Variants in ARHGAP10 observed in about 807,000 individuals in gnomAD.
The protein encoded by ARHGAP10 is Rho GTPase activating protein 10.
ARHGAP10 carries 87 observed loss-of-function variants against 108.6 expected under a neutral mutation model. That is an observed-to-expected ratio of 0.80 (90% CI 0.67 to 0.96). The LOEUF (loss-of-function observed/expected upper bound fraction) is 0.96. Ranked by LOEUF, ARHGAP10 falls within the 40% of genes least tolerant of loss-of-function variation. ARHGAP10 has a pLI of 0.00. For synonymous variants in ARHGAP10, 347 were observed against 341.1 expected (o/e 1.02, Z -0.19); for missense variants, 939 against 954.5 (o/e 0.98, Z 0.21).
intron 10 of ARHGAP10, among the ~76,000 whole-genome samples, chr4:147,892,829 TTTAAC>T (rs901926952): frequency 6.6e-6 from 1 of 152,110 alleles, no homozygotes; most frequent in Non-Finnish European, 1.5e-5. Flanking sequence ...TATAATGTAT[TTTAAC>T]TGTGTGTTTG....
chr4:147,737,269 G>A (rs1174561851), intron 1 of ARHGAP10, among the ~76,000 whole-genome samples: 4 of 151,880 alleles, frequency 2.6e-5, no homozygotes, highest in Non-Finnish European at 5.9e-5. Flanking sequence ...TTGTGCCTTA[G>A]CCTCCCAAGT....
intron 3 of ARHGAP10, 105 bp from the exon 4 acceptor site, chr4:147,847,046 G>A: frequency 5.7e-6 from 5 of 874,834 alleles, no homozygotes; most frequent in East Asian, 2.6e-5. Context: ...CGTTAAATAC[G>A]TTCATTTTCT....
At chr4:147,960,962 CA>C (rs1726310942) in intron 16 of ARHGAP10, among the ~76,000 whole-genome samples, 1 of 152,174 alleles carries the variant, frequency 6.6e-6, no homozygotes, top group South Asian at 2.1e-4. Flanking sequence ...TGTTAATGGA[CA>C]TTTGGGTTGT....
At chr4:147,985,647 T>C (rs1181029977) in intron 18 of ARHGAP10, among the ~76,000 whole-genome samples, 6 of 152,240 alleles carry the variant, frequency 3.9e-5, no homozygotes, top group Non-Finnish European at 8.8e-5. Flanking sequence ...GACTAAATTG[T>C]CTGCATGACC....
intron 19 of ARHGAP10, among the ~76,000 whole-genome samples, chr4:148,030,640 A>C (rs1032465179): frequency 2.0e-5 from 3 of 152,200 alleles, no homozygotes; most frequent in African/African-American, 4.8e-5. Flanking sequence ...GTTCATTTTT[A>C]CTTACTGAAT....
chr4:147,930,726 A>G (rs1009671033), intron 13 of ARHGAP10, among the ~76,000 whole-genome samples: 2 of 152,104 alleles, frequency 1.3e-5, no homozygotes, highest in African/African-American at 2.4e-5. Flanking sequence ...TTTAAAAATT[A>G]CCTGTCTTTT....
At chr4:148,004,617 C>T (rs1332833308) in intron 18 of ARHGAP10, among the ~76,000 whole-genome samples, 5 of 152,212 alleles carry the variant, frequency 3.3e-5, no homozygotes, top group Non-Finnish European at 5.9e-5. Context: ...CCGCAGGCAT[C>T]CTCTAGGAGC....
chr4:147,840,405 T>G (rs546589589), intron 3 of ARHGAP10, among the ~76,000 whole-genome samples: 17 of 152,258 alleles, frequency 1.1e-4, no homozygotes, highest in African/African-American at 2.9e-4. Context: ...ACATGAAACA[T>G]CTAGTTTTTT....
chr4:147,801,311 A>G (rs1731571529), intron 1 of ARHGAP10, among the ~76,000 whole-genome samples: 1 of 152,204 alleles, frequency 6.6e-6, no homozygotes, highest in African/African-American at 2.4e-5. Context: ...GACTCCTCTT[A>G]ATGAATCCAC....
intron 5 of ARHGAP10, chr4:147,864,202 T>C (rs1422557817): frequency 1.3e-5 from 2 of 152,386 alleles, no homozygotes; most frequent in African/African-American, 4.8e-5. Flanking sequence ...TTAGGCAAGC[T>C]AAGCTGGAAG....
chr4:147,768,723 G>C (rs1450818149), intron 1 of ARHGAP10, among the ~76,000 whole-genome samples: 1 of 146,576 alleles, frequency 6.8e-6, no homozygotes, highest in African/African-American at 2.4e-5. Flanking sequence ...GCTTAAAAAT[G>C]GGGGCAAATT....
chr4:148,013,412 T>C (rs1418093546), intron 18 of ARHGAP10, among the ~76,000 whole-genome samples: 2 of 152,172 alleles, frequency 1.3e-5, no homozygotes, highest in Admixed American at 1.3e-4. Context: ...ATTTTTTCTT[T>C]CTAGGAAAAG....
chr4:147,843,117 C>T (rs1355700491), intron 3 of ARHGAP10, among the ~76,000 whole-genome samples: 11 of 152,164 alleles, frequency 7.2e-5, no homozygotes, highest in Admixed American at 6.5e-4. Flanking sequence ...ACTGGGCACC[C>T]CTTTTCTCCT....
intron 20 of ARHGAP10, 89 bp from the exon 21 acceptor site, chr4:148,063,059 G>A: frequency 6.7e-7 from 1 of 1,483,398 alleles, no homozygotes. Flanking sequence ...GGGAATTAGT[G>A]ACCTAGTCAT....
chr4:147,792,224 A>C (rs1731152172), intron 1 of ARHGAP10, among the ~76,000 whole-genome samples: 1 of 152,226 alleles, frequency 6.6e-6, no homozygotes, highest in South Asian at 2.1e-4. Flanking sequence ...GTTTTTGCTC[A>C]TCTGTTGATG....
chr4:147,740,216 C>T (rs1376612251), intron 1 of ARHGAP10, among the ~76,000 whole-genome samples: 1 of 151,720 alleles, frequency 6.6e-6, no homozygotes, highest in Non-Finnish European at 1.5e-5. Context: ...TGCCACCAGG[C>T]CTGGCTACGT....
intron 6 of ARHGAP10, chr4:147,866,467 C>A (rs1734565896): frequency 2.7e-6 from 1 of 369,302 alleles, no homozygotes; most frequent in Non-Finnish European, 4.8e-6. Context: ...ATTTTTCCTG[C>A]AGAACATGCC....
In ARHGAP10 at chr4:148,063,165, C is replaced by A. The variant is rs771126748; in HGVS notation, c.2045C>A (p.Ser682Ter). Residue 682 changes from serine (S) to a stop codon, truncating the protein, a stop_gained, in exon 21 of 23, where the codon TCG (serine) becomes TAG (stop). Coordinates refer to ENST00000336498, the MANE Select transcript of ARHGAP10 (RefSeq NM_024605.4). LOFTEE classifies it high-confidence loss of function. ...ACCCTTAGCCCAGGCCAGACCCGATCGTCTATGGTCCAGTGGCTTAACCCA... is the reference window on the plus strand; with the variant it reads ...ACCCTTAGCCCAGGCCAGACCCGATAGTCTATGGTCCAGTGGCTTAACCCA... The part of the protein sequence containing the change: ...WASTIPGQTR[S>*]SMVQWLNPQS... 4 of 1,614,090 alleles carry A rather than the reference C, an allele frequency of 2.5e-6. No individual in the cohort carries two copies. In the African/African-American group the frequency reaches 4.0e-5, roughly 16 times the overall value.
At chr4:147,959,241 T>G (rs60201372) in intron 16 of ARHGAP10, among the ~76,000 whole-genome samples, 9,999 of 152,134 alleles carry the variant, frequency 0.066, 703 homozygotes, top group African/African-American at 0.17. Flanking sequence ...GTATTTTTTT[T>G]TTTGTTTTTG....
Sources: allele counts gnomAD v4.1 joint callset (sites outside exome capture counted in the v4.1 genomes callset), GRCh38; gene constraint gnomAD v4.1.1; transcripts MANE v1.5; gene names NCBI Gene and HGNC (gene_info 2026-07-23, HGNC 2026-07-21).